AQP9: variants seen among roughly 807,000 people sequenced by gnomAD.
The protein encoded by AQP9 is aquaporin 9.
Under a neutral mutation model 23.8 loss-of-function variants are expected in AQP9, and 19 were observed. That is an observed-to-expected ratio of 0.80 (90% CI 0.56 to 1.17). The LOEUF (loss-of-function observed/expected upper bound fraction) is 1.17, where lower values mean the gene tolerates loss of function less well. Among genes scored for constraint, AQP9 ranks in the 50% most tolerant of loss-of-function variants. AQP9 has a pLI of 0.00. For synonymous variants in AQP9, 153 were observed against 131.5 expected (o/e 1.16, Z -1.12); for missense variants, 413 against 362.0 (o/e 1.14, Z -1.14).
At chr15:58,158,082 A>G (rs1360560950) in intron 1 of AQP9, among the ~76,000 whole-genome samples, 1 of 152,128 alleles carries the variant, frequency 6.6e-6, no homozygotes, top group African/African-American at 2.4e-5. Context: ...CTGGTTTACA[A>G]ATGAGGCCAT....
At chr15:58,152,165 T>A (rs1898163640) in intron 1 of AQP9, 1 of 152,174 alleles carries the variant, frequency 6.6e-6, no homozygotes, top group Non-Finnish European at 1.5e-5. Flanking sequence ...ATTATATTAC[T>A]TATCTGAGGC....
intron 5 of AQP9, 68 bp downstream of exon 5, chr15:58,179,413 G>T: frequency 7.0e-7 from 1 of 1,426,572 alleles, no homozygotes; most frequent in South Asian, 1.2e-5. Flanking sequence ...GCGGGGCTTT[G>T]ACATGGAGAT....
chr15:58,154,623 T>A (rs1326852111), intron 1 of AQP9, among the ~76,000 whole-genome samples: 1 of 152,102 alleles, frequency 6.6e-6, no homozygotes, highest in Non-Finnish European at 1.5e-5. Flanking sequence ...ACCAACTCTG[T>A]TAATAATCCT....
Position 58,184,145 on chromosome 15 carries a change from C to T in AQP9, c.*10C>T, listed in dbSNP as rs772700269. On this transcript the variant is annotated 3_prime_UTR_variant, in exon 6 of 6. Transcript: ENST00000219919. ...CAGTGTCATCATGTAGTGGCATGCT[C>T]AGCTCTGGATTTGCAGTCAGTTTGG... 3.7e-6 allele frequency: 6 copies of T among 1,612,022 alleles called. No individual in the cohort carries two copies. Among genetic ancestry groups the T allele is most frequent in the South Asian group, 2.2e-5 (2 of 90,902 alleles).
At chr15:58,176,031 T>G (rs1033479398) in intron 4 of AQP9, among the ~76,000 whole-genome samples, 2 of 152,226 alleles carry the variant, frequency 1.3e-5, no homozygotes, top group Admixed American at 6.5e-5. Flanking sequence ...ACTTCCTGCG[T>G]GGCTTCAGCA....
At chr15:58,148,963 C>T (rs1898098930) in intron 1 of AQP9, among the ~76,000 whole-genome samples, 1 of 152,128 alleles carries the variant, frequency 6.6e-6, no homozygotes, top group Non-Finnish European at 1.5e-5. Flanking sequence ...GGGTGATTGA[C>T]CTCTTCCTGA....
rs1898006861 is a variant in AQP9, at chr15:58,144,545, T to C, written c.111+5869T>C. ...AGAACATTGTTTGTTGTTGTTGTTG[T>C]CTTTCTACTTTTATTACCAAGGTTA... On this transcript the variant is annotated intron_variant, in intron 1 of 5. Coordinates refer to ENST00000219919, the MANE Select transcript of AQP9 (RefSeq NM_020980.5). Among the ~76,000 whole-genome samples the C allele has an allele frequency of 2.0e-5, 3 of 152,244 alleles. No homozygotes were observed. In the South Asian group the frequency reaches 6.2e-4, roughly 31 times the overall value.
In AQP9 at chr15:58,179,174, A is replaced by G; in HGVS notation, c.542A>G (p.Asp181Gly). The G allele has an allele frequency of 6.2e-7, 1 of 1,613,712 alleles. No homozygotes were observed. Reference sequence around the variant, plus strand: ...CTCATAATCGTCTTTGCCATCTTTGACTCCAGAAACTTGGGAGCCCCCAGA... The same window carrying G: ...CTCATAATCGTCTTTGCCATCTTTGGCTCCAGAAACTTGGGAGCCCCCAGA... ...ILLIIVFAIF[D>G]SRNLGAPRGL... The change falls in exon 5 of 6, where the codon GAC becomes GGC. Residue 181 changes from aspartate to glycine, a missense_variant. Physicochemically the swap from Asp to Gly is moderately conservative, Grantham distance 94. Coordinates refer to ENST00000219919, the MANE Select transcript of AQP9 (RefSeq NM_020980.5).
intron 1 of AQP9, chr15:58,152,165 TTATC>T (rs752895034): frequency 2.6e-5 from 4 of 152,174 alleles, no homozygotes; most frequent in Non-Finnish European, 5.9e-5. Flanking sequence ...ATTATATTAC[TTATC>T]TGAGGCCTTC....
chr15:58,138,823 C>T, intron 1 of AQP9, 147 bp downstream of exon 1: 2 of 669,082 alleles, frequency 3.0e-6, no homozygotes, highest in Non-Finnish European at 2.5e-6. Context: ...TTACTAGAGG[C>T]TGTTTGACTA....
At chr15:58,165,383 A>T (rs1285467252) in intron 1 of AQP9, among the ~76,000 whole-genome samples, 1 of 152,210 alleles carries the variant, frequency 6.6e-6, no homozygotes, top group Non-Finnish European at 1.5e-5. Flanking sequence ...AAAAATTAGA[A>T]AACAGATGGG....
At chr15:58,154,585 T>G (rs1361111804) in intron 1 of AQP9, among the ~76,000 whole-genome samples, 1 of 47,134 alleles carries the variant, frequency 2.1e-5, no homozygotes, top group Non-Finnish European at 7.1e-5. Context: ...ATAATGACCA[T>G]CCCATCATAC....
chr15:58,168,507 T>A (rs1461961977), intron 2 of AQP9, among the ~76,000 whole-genome samples: 5 of 152,050 alleles, frequency 3.3e-5, no homozygotes, highest in East Asian at 3.9e-4. Flanking sequence ...GGGCTGTGCA[T>A]CCGGAATGGC....
intron 1 of AQP9, among the ~76,000 whole-genome samples, chr15:58,160,519 A>G (rs1898353796): frequency 6.6e-6 from 1 of 152,126 alleles, no homozygotes; most frequent in African/African-American, 2.4e-5. Context: ...ATATTTTAAT[A>G]TCTTTCATCA....
intron 1 of AQP9, chr15:58,154,113 C>A (rs1466383142): frequency 1.3e-5 from 2 of 152,068 alleles, no homozygotes; most frequent in Non-Finnish European, 2.9e-5. Context: ...TAACTAATAA[C>A]CTTAAGCTAA....
chr15:58,176,381 G>A (rs1898754032), intron 4 of AQP9, among the ~76,000 whole-genome samples: 1 of 152,032 alleles, frequency 6.6e-6, no homozygotes, highest in Non-Finnish European at 1.5e-5. Flanking sequence ...AGCCATGCGT[G>A]GTGGTGCTTG....
At chr15:58,138,272 G>T, upstream of AQP9, 2 of 200,040 alleles carry the variant, frequency 1.0e-5, no homozygotes, top group Non-Finnish European at 2.0e-5. Context: ...AAAGTACCTT[G>T]AGAATAAAGG....
Position 58,184,229 on chromosome 15 carries a change from T to A in AQP9, c.*94T>A. 7.3e-7 allele frequency: 1 copy of A among 1,377,496 alleles called. No homozygotes were observed. The highest frequency in any genetic ancestry group is 1.4e-5 in the African/African-American group (1 of 69,394). 85.3% of individuals were successfully genotyped at this position (1,377,496 alleles called of 1,614,324 possible). On this transcript the variant is annotated 3_prime_UTR_variant, in exon 6 of 6. Transcript: ENST00000219919. The stretch of plus-strand genomic sequence containing the variant: ...GTGTTCTTGTAAGCCTGAGGTGGAA[T>A]CCACCCAGTTTTGTCTGCTAGCCAT...
intron 1 of AQP9, among the ~76,000 whole-genome samples, chr15:58,147,442 C>G (rs1251211014): frequency 6.6e-6 from 1 of 152,162 alleles, no homozygotes; most frequent in Admixed American, 6.5e-5. Context: ...CTCCAGCAGG[C>G]ATCTAATTTC....
Sources: gnomAD v4.1 joint callset for allele counts (sites outside exome capture counted in the v4.1 genomes callset) on GRCh38, gnomAD v4.1.1 for gene constraint, MANE v1.5 for transcripts, NCBI Gene and HGNC (gene_info 2026-07-23, HGNC 2026-07-21) for gene names.